Variants in TPD52L1 observed in about 807,000 individuals in gnomAD.
The protein encoded by TPD52L1 is TPD52 like 1, also known as tumor protein D53.
A neutral mutation model predicts 28.7 loss-of-function variants in TPD52L1; 18 were observed. That is an observed-to-expected ratio of 0.63 (90% CI 0.43 to 0.93). The LOEUF is 0.93. TPD52L1 is among the 40% of genes least tolerant of loss of function. The pLI is 0.00. For missense variants in TPD52L1, 203 were observed against 254.8 expected (o/e 0.80, Z 1.39); for synonymous variants, 75 against 88.8 (o/e 0.84, Z 0.88).
At chr6:125,167,153 A>T (rs1195860642) in intron 1 of TPD52L1, among the ~76,000 whole-genome samples, 1 of 152,008 alleles carries the variant, frequency 6.6e-6, no homozygotes, top group African/African-American at 2.4e-5. Context: ...TAGTCCCACT[A>T]CTCAAGAGGC....
rs1333386238 is a variant in TPD52L1, at chr6:125,163,608, A to G, written c.19+9638A>G. Among the ~76,000 whole-genome samples, 5 of 151,424 alleles carry G rather than the reference A, an allele frequency of 3.3e-5. No individual in the cohort carries two copies. In the East Asian group the frequency reaches 9.7e-4, roughly 29 times the overall value. ...AAAAAAAAAAAAAAAGAACAAAAAC[A>G]AAAAACTCCAAACATGTTATTTAAT... On this transcript the variant is annotated intron_variant, in intron 1 of 6. Coordinates refer to ENST00000534000, the MANE Select transcript of TPD52L1 (RefSeq NM_003287.4).
intron 1 of TPD52L1, among the ~76,000 whole-genome samples, chr6:125,187,146 A>G (rs932423205): frequency 6.6e-6 from 1 of 152,242 alleles, no homozygotes; most frequent in African/African-American, 2.4e-5. Flanking sequence ...GATAATTTGA[A>G]TGAGTAATTT....
In TPD52L1 at chr6:125,229,263, C is replaced by T; in HGVS notation, c.281C>T (p.Thr94Ile). Residue 94 changes from threonine (T) to isoleucine (I), a missense_variant, in exon 3 of 7, where the codon ACT (threonine) becomes ATT (isoleucine). By Grantham distance (89) the Thr-to-Ile change is moderately conservative. Coordinates refer to ENST00000534000, the MANE Select transcript of TPD52L1 (RefSeq NM_003287.4). The part of the protein sequence containing the change: ...SKSWHDMQTT[T>I]AYKKTHETLS... ...AGCTGGCATGACATGCAGACTACCA[C>T]TGCGTAAGTATCATATGAACAGTGT... 6.2e-7 allele frequency: 1 copy of T among 1,612,024 alleles called. No homozygotes were observed. Among genetic ancestry groups the T allele is most frequent in the Non-Finnish European group, 8.5e-7 (1 of 1,179,154 alleles).
intron 1 of TPD52L1, among the ~76,000 whole-genome samples, chr6:125,184,321 T>C (rs1792437677): frequency 1.3e-5 from 2 of 152,220 alleles, no homozygotes; most frequent in Non-Finnish European, 2.9e-5. Flanking sequence ...GGATGGGATT[T>C]TTTTGACACC....
chr6:125,221,628 T>A (rs1356929863), intron 2 of TPD52L1, among the ~76,000 whole-genome samples: 1 of 152,200 alleles, frequency 6.6e-6, no homozygotes, highest in African/African-American at 2.4e-5. Context: ...ATTTTCTAAA[T>A]GTCAACAGTG....
At chr6:125,258,549 A>C (rs1232436306) in intron 6 of TPD52L1, among the ~76,000 whole-genome samples, 1 of 152,210 alleles carries the variant, frequency 6.6e-6, no homozygotes, top group Non-Finnish European at 1.5e-5. Flanking sequence ...ACAAGTTCTG[A>C]CAAAGGACAA....
Position 125,253,724 on chromosome 6 carries a change from A to T in TPD52L1, c.394A>T (p.Ile132Phe). Residue 132 changes from isoleucine (I) to phenylalanine (F), a missense_variant, in exon 5 of 7, where the codon ATT becomes TTT. By Grantham distance (21) the Ile-to-Phe change is conservative. Coordinates refer to ENST00000534000, the MANE Select transcript of TPD52L1 (RefSeq NM_003287.4). ...SKKFGDMSYS[I>F]RHSISMPAMR... The stretch of plus-strand genomic sequence containing the variant: ...TCTGCTTTTGCTCTGAAGTTACTCC[A>T]TTCGCCATTCCATAAGTATGCCTGC... 2 of 1,613,366 alleles carry T rather than the reference A, an allele frequency of 1.2e-6. No individual in the cohort carries two copies. The highest frequency in any genetic ancestry group is 1.1e-5 in the South Asian group (1 of 91,020).
intron 1 of TPD52L1, among the ~76,000 whole-genome samples, chr6:125,204,345 C>T (rs374849572): frequency 2.0e-5 from 3 of 152,258 alleles, no homozygotes; most frequent in Admixed American, 6.5e-5. Flanking sequence ...TATACTGATG[C>T]GTGCTGATTG....
At chr6:125,244,778 C>A (rs1357445572) in intron 3 of TPD52L1, among the ~76,000 whole-genome samples, 7 of 152,098 alleles carry the variant, frequency 4.6e-5, no homozygotes, top group Non-Finnish European at 1.0e-4. Flanking sequence ...GGGATGCCTG[C>A]CGTTTGGGGT....
intron 1 of TPD52L1, chr6:125,219,847 A>C: frequency 1.9e-6 from 1 of 517,328 alleles, no homozygotes; most frequent in Non-Finnish European, 3.5e-6. Flanking sequence ...TCCTGTTTAC[A>C]TCTCTGCCTT....
chr6:125,154,287 C>A, intron 1 of TPD52L1: 1 of 1,186,786 alleles, frequency 8.4e-7, no homozygotes, highest in Non-Finnish European at 1.0e-6. Context: ...GCCCGAAGGA[C>A]CTGTTGTGCC....
chr6:125,181,899 T>C (rs1792219292), intron 1 of TPD52L1, among the ~76,000 whole-genome samples: 1 of 152,220 alleles, frequency 6.6e-6, no homozygotes, highest in South Asian at 2.1e-4. Context: ...GTTTCAGGGA[T>C]ATTAGGATAA....
At chr6:125,220,705 A>G (rs1557052) in intron 2 of TPD52L1, among the ~76,000 whole-genome samples, 91,749 of 152,056 alleles carry the variant, frequency 0.6, 30,219 homozygotes, top group African/African-American at 0.88. Flanking sequence ...AGAGGAAAGC[A>G]ATGCTTCATC....
intron 6 of TPD52L1, chr6:125,261,872 C>CTTT (rs1798079962): frequency 6.6e-6 from 1 of 152,180 alleles, no homozygotes; most frequent in Non-Finnish European, 1.5e-5. Context: ...AATATTCATA[C>CTTT]TGTAAGGGTG....
Position 125,262,956 on chromosome 6 carries a change from G to C in TPD52L1, c.609G>C (p.Gln203His). The change falls in exon 7 of 7, where the codon CAG becomes CAC. Residue 203 changes from glutamine to histidine, a missense_variant. Gln to His is a conservative substitution (Grantham distance 24). Coordinates refer to ENST00000534000, the MANE Select transcript of TPD52L1 (RefSeq NM_003287.4). ...GSRRTKEEEL[Q>H]C ...GGCGGACCAAGGAGGAGGAGCTGCA[G>C]TGCTAAGTCCAGCCAGCGTGCAGCT... 1 of 1,613,520 alleles carries C rather than the reference G, an allele frequency of 6.2e-7. No homozygotes were observed. Among genetic ancestry groups the C allele is most frequent in the South Asian group, 1.1e-5 (1 of 91,040 alleles).
At chr6:125,198,413 AC>A (rs1793582403) in intron 1 of TPD52L1, among the ~76,000 whole-genome samples, 1 of 152,150 alleles carries the variant, frequency 6.6e-6, no homozygotes, top group Non-Finnish European at 1.5e-5. Flanking sequence ...GTAGAGTTAT[AC>A]CCAGTTCTAT....
rs972349813 is a variant in TPD52L1 at position 125,184,061 on chromosome 6, T to C, written c.19+30091T>C. Among the ~76,000 whole-genome samples the C allele has an allele frequency of 8.5e-5, 13 of 152,258 alleles. No individual in the cohort carries two copies. In the East Asian group the frequency reaches 9.6e-4, roughly 11 times the overall value. On this transcript the variant is annotated intron_variant, in intron 1 of 6. Transcript: ENST00000534000. ...TCTATTTTAAACAAGAAGGAATTTG[T>C]TACAGAGCCATGGTAAGTGGGCCTC...
chr6:125,225,979 G>A (rs1409493969), intron 2 of TPD52L1, among the ~76,000 whole-genome samples: 1 of 152,206 alleles, frequency 6.6e-6, no homozygotes, highest in Non-Finnish European at 1.5e-5. Context: ...AAGGATTGAA[G>A]TTCATCAGCA....
chr6:125,158,629 A>G (rs745487354), intron 1 of TPD52L1, among the ~76,000 whole-genome samples: 2 of 152,222 alleles, frequency 1.3e-5, no homozygotes, highest in Non-Finnish European at 2.9e-5. Flanking sequence ...GAATATAATC[A>G]CATTACTTTT....
Sources: gnomAD v4.1 joint callset for allele counts (sites outside exome capture counted in the v4.1 genomes callset) on GRCh38, gnomAD v4.1.1 for gene constraint, MANE v1.5 for transcripts, NCBI Gene and HGNC (gene_info 2026-07-23, HGNC 2026-07-21) for gene names.